The following DPY19L1 variants were observed in gnomAD, a reference collection of about 807,000 sequenced individuals.
The protein encoded by DPY19L1 is protein C-mannosyl-transferase DPY19L1.
A neutral mutation model predicts 96.9 loss-of-function variants in DPY19L1; 35 were observed. The observed-to-expected ratio is 0.36, with a 90% confidence interval of 0.28 to 0.48. DPY19L1 has a LOEUF of 0.48. Among genes scored for constraint, DPY19L1 ranks in the 20% least tolerant of loss-of-function variants. The probability of loss-of-function intolerance (pLI) is 0.99; values close to 1 mark genes in which losing one functional copy is unlikely to be tolerated. For missense variants in DPY19L1, 521 were observed against 777.9 expected, an observed-to-expected ratio of 0.67 and a Z score of 3.93; for synonymous variants, 205 against 252.6, an observed-to-expected ratio of 0.81 and a Z score of 1.79.
At chr7:34,943,191 T>A (rs550186408) in intron 16 of DPY19L1, among the ~76,000 whole-genome samples, 1 of 152,196 alleles carries the variant, frequency 6.6e-6, no homozygotes, top group Non-Finnish European at 1.5e-5. Flanking sequence ...CCAGGTAGCA[T>A]ATAATCTAAT....
intron 10 of DPY19L1, among the ~76,000 whole-genome samples, chr7:34,960,423 T>G (rs1469492993): frequency 6.6e-6 from 1 of 152,156 alleles, no homozygotes; most frequent in Non-Finnish European, 1.5e-5. Flanking sequence ...TGCTGCTGTT[T>G]TATCAAGAAT....
chr7:35,007,696 ATTT>A (rs200010541), intron 6 of DPY19L1, among the ~76,000 whole-genome samples: 1 of 150,818 alleles, frequency 6.6e-6, no homozygotes. Context: ...ACTTTGCAGC[ATTT>A]TTTTTTCTTC....
At chr7:34,997,737 A>G (rs1198145200) in intron 6 of DPY19L1, among the ~76,000 whole-genome samples, 1 of 152,178 alleles carries the variant, frequency 6.6e-6, no homozygotes, top group African/African-American at 2.4e-5. Flanking sequence ...TTTTTTTAAA[A>G]TAAAGAATAA....
chr7:34,982,662 G>C (rs1218264941), intron 7 of DPY19L1, among the ~76,000 whole-genome samples: 1 of 152,228 alleles, frequency 6.6e-6, no homozygotes, highest in Non-Finnish European at 1.5e-5. Flanking sequence ...ATCTGCCATA[G>C]GCAGAGAGTC....
intron 21 of DPY19L1, among the ~76,000 whole-genome samples, chr7:34,934,218 C>T (rs1459997501): frequency 6.6e-6 from 1 of 152,154 alleles, no homozygotes; most frequent in Non-Finnish European, 1.5e-5. Flanking sequence ...CCATCTCAGC[C>T]TCCCAAAGTG....
At chr7:34,939,396 C>T (rs1429675708) in intron 19 of DPY19L1, 21 bp from the exon 20 acceptor site, 1 of 1,607,316 alleles carries the variant, frequency 6.2e-7, no homozygotes, top group Non-Finnish European at 8.5e-7. Flanking sequence ...AGAGGAATGT[C>T]TCAGGAAGAC....
chr7:34,985,345 A>G (rs1418683011), intron 7 of DPY19L1, among the ~76,000 whole-genome samples: 1 of 152,126 alleles, frequency 6.6e-6, no homozygotes, highest in Non-Finnish European at 1.5e-5. Context: ...TCAAACTAAA[A>G]TGCTTCTGCA....
At chr7:34,966,495 T>C (rs1286627046) in intron 10 of DPY19L1, among the ~76,000 whole-genome samples, 1 of 152,170 alleles carries the variant, frequency 6.6e-6, no homozygotes, top group Middle Eastern at 3.2e-3. Context: ...TCTGGCTCTG[T>C]TGCCCAGGCT....
In DPY19L1 at chr7:34,931,357, T is replaced by C. The variant is rs1007105746; in HGVS notation, c.*216A>G. The C allele has an allele frequency of 6.9e-5, 36 of 524,116 alleles. No individual in the cohort carries two copies. The highest frequency in any genetic ancestry group is 5.7e-4 in the Middle Eastern group (1 of 1,756). The allele number at this position is 524,116 out of a possible 1,614,324, so 32.5% of individuals were successfully genotyped here. A position where few individuals can be genotyped will look rare whatever the true frequency, so the allele number is the denominator to read the frequency against. On this transcript the variant is annotated 3_prime_UTR_variant, in exon 22 of 22. Transcript: ENST00000638088. Reference sequence around the variant, plus strand: ...AAGTACAAGCATATACTCATTTGCATAGCAAATTTTAAAGGGTGCATTGAA... The same window carrying C: ...AAGTACAAGCATATACTCATTTGCACAGCAAATTTTAAAGGGTGCATTGAA...
chr7:34,970,254 C>A (rs1278661465), intron 8 of DPY19L1, among the ~76,000 whole-genome samples: 1 of 152,174 alleles, frequency 6.6e-6, no homozygotes, highest in African/African-American at 2.4e-5. Flanking sequence ...GACATCCTGG[C>A]TAGATAAACC....
chr7:35,003,122 A>G (rs1785468503), intron 6 of DPY19L1, among the ~76,000 whole-genome samples: 1 of 152,214 alleles, frequency 6.6e-6, no homozygotes, highest in Non-Finnish European at 1.5e-5. Flanking sequence ...CAAACAGTGA[A>G]CCAAATACGA....
intron 8 of DPY19L1, among the ~76,000 whole-genome samples, chr7:34,971,099 C>G (rs1265179032): frequency 1.3e-5 from 2 of 152,132 alleles, no homozygotes; most frequent in African/African-American, 4.8e-5. Flanking sequence ...CTCCACCAAG[C>G]CATCGCCACC....
At chr7:34,990,530 A>G (rs550884628) in intron 6 of DPY19L1, among the ~76,000 whole-genome samples, 1 of 152,370 alleles carries the variant, frequency 6.6e-6, no homozygotes, top group African/African-American at 2.4e-5. Context: ...ATAAAGTTTT[A>G]TGTTTCATTT....
intron 7 of DPY19L1, among the ~76,000 whole-genome samples, chr7:34,976,410 A>C (rs1784831646): frequency 6.6e-6 from 1 of 152,242 alleles, no homozygotes; most frequent in Non-Finnish European, 1.5e-5. Flanking sequence ...GTTGCTTCTT[A>C]AATGAGCAAA....
chr7:34,936,340 C>T (rs1783867114), intron 21 of DPY19L1, among the ~76,000 whole-genome samples: 1 of 152,048 alleles, frequency 6.6e-6, no homozygotes, highest in Admixed American at 6.6e-5. Flanking sequence ...GCCTCTGCAA[C>T]TTTCACATAT....
chr7:34,935,576 T>C (rs1437945046), intron 21 of DPY19L1, among the ~76,000 whole-genome samples: 3 of 152,100 alleles, frequency 2.0e-5, no homozygotes, highest in Admixed American at 6.5e-5. Flanking sequence ...TGCTCACCAA[T>C]TGCCAGGCAC....
At chr7:35,029,929 T>G (rs1273607311) in intron 1 of DPY19L1, among the ~76,000 whole-genome samples, 1 of 152,224 alleles carries the variant, frequency 6.6e-6, no homozygotes, top group African/African-American at 2.4e-5. Context: ...CTTCACCTGC[T>G]GAACTCAATA....
intron 7 of DPY19L1, among the ~76,000 whole-genome samples, chr7:34,980,693 A>C (rs1307229526): frequency 6.6e-6 from 1 of 152,190 alleles, no homozygotes; most frequent in East Asian, 1.9e-4. Flanking sequence ...AAAGGTGCTC[A>C]ATATCATTAC....
At chr7:34,956,996 A>C (rs530202058) in intron 11 of DPY19L1, among the ~76,000 whole-genome samples, 1 of 152,320 alleles carries the variant, frequency 6.6e-6, no homozygotes, top group African/African-American at 2.4e-5. Flanking sequence ...ATGTACTTTA[A>C]ACATAAGGAA....
Sources: allele counts gnomAD v4.1 joint callset (sites outside exome capture counted in the v4.1 genomes callset), GRCh38; gene constraint gnomAD v4.1.1; transcripts MANE v1.5; gene names NCBI Gene and HGNC (gene_info 2026-07-23, HGNC 2026-07-21).